RSRC1: variants seen among roughly 807,000 people sequenced by gnomAD.
RSRC1 encodes serine/Arginine-related protein 53.
A neutral mutation model predicts 49.1 loss-of-function variants in RSRC1; 39 were observed. The observed-to-expected ratio is 0.79, with a 90% CI of 0.61 to 1.04. The LOEUF (loss-of-function observed/expected upper bound fraction) is 1.04. RSRC1 is among the 50% of genes least tolerant of loss of function. RSRC1 has a pLI of 0.00. For synonymous variants in RSRC1, 143 were observed against 130.8 expected, an observed-to-expected ratio of 1.09 and a Z score of -0.63; for missense variants, 388 against 402.4, an observed-to-expected ratio of 0.96 and a Z score of 0.31.
At chr3:158,112,788 T>A (rs1022681341) in intron 1 of RSRC1, among the ~76,000 whole-genome samples, 1 of 152,092 alleles carries the variant, frequency 6.6e-6, no homozygotes, top group African/African-American at 2.4e-5. Flanking sequence ...TTCCTGATGC[T>A]CTCCCTTCCC....
chr3:158,344,260 AAAAAAT>A (rs961137900), intron 5 of RSRC1, among the ~76,000 whole-genome samples: 10 of 152,214 alleles, frequency 6.6e-5, no homozygotes, highest in African/African-American at 2.2e-4. Flanking sequence ...CTGCATCTCA[AAAAAAT>A]AAAAATAAAA....
At chr3:158,303,172 T>C (rs1727657636) in intron 5 of RSRC1, 1 of 152,236 alleles carries the variant, frequency 6.6e-6, no homozygotes, top group Non-Finnish European at 1.5e-5. Context: ...TATTATTTTA[T>C]AAGCAAACTA....
chr3:158,127,757 T>G (rs1240297060), intron 3 of RSRC1, among the ~76,000 whole-genome samples: 1 of 2,324 alleles, frequency 4.3e-4, no homozygotes, highest in African/African-American at 1.4e-3. Context: ...TGCTTTGTGG[T>G]TTTTTTTTTT....
chr3:158,511,008 A>G (rs9857535), intron 7 of RSRC1, among the ~76,000 whole-genome samples: 78,576 of 151,970 alleles, frequency 0.52, 20,779 homozygotes, highest in African/African-American at 0.62. Context: ...TTTTTATCCT[A>G]GAGCATGGTA....
intron 7 of RSRC1, among the ~76,000 whole-genome samples, chr3:158,517,350 T>C (rs1293604489): frequency 6.6e-6 from 1 of 152,164 alleles, no homozygotes; most frequent in South Asian, 2.1e-4. Context: ...TTCTTTTTCT[T>C]TTCTCACTGC....
At chr3:158,444,983 T>C (rs1321850012) in intron 6 of RSRC1, among the ~76,000 whole-genome samples, 2 of 151,984 alleles carry the variant, frequency 1.3e-5, no homozygotes, top group Non-Finnish European at 2.9e-5. Context: ...AGAATGGCAA[T>C]CATTAAAAAG....
intron 3 of RSRC1, among the ~76,000 whole-genome samples, chr3:158,148,786 CTTT>C (rs555372660): frequency 6.9e-6 from 1 of 145,554 alleles, no homozygotes. Flanking sequence ...CGAATATATA[CTTT>C]TTTTTTTTTT....
intron 4 of RSRC1, among the ~76,000 whole-genome samples, chr3:158,252,632 T>C (rs942774139): frequency 6.6e-6 from 1 of 152,202 alleles, no homozygotes; most frequent in Non-Finnish European, 1.5e-5. Context: ...TCCTTCTTTC[T>C]CTAGTTTTTG....
At chr3:158,373,255 A>G (rs1732177338) in intron 6 of RSRC1, among the ~76,000 whole-genome samples, 1 of 151,942 alleles carries the variant, frequency 6.6e-6, no homozygotes, top group Admixed American at 6.6e-5. Flanking sequence ...TGTAGCTAGA[A>G]TCTCCAGCTT....
intron 3 of RSRC1, among the ~76,000 whole-genome samples, chr3:158,177,799 T>C (rs560409460): frequency 4.6e-5 from 7 of 152,098 alleles, no homozygotes; most frequent in Non-Finnish European, 5.9e-5. Context: ...AAAACAAATA[T>C]GTTGGCAAAC....
At chr3:158,456,232 T>C (rs1465878195) in intron 6 of RSRC1, among the ~76,000 whole-genome samples, 1 of 151,766 alleles carries the variant, frequency 6.6e-6, no homozygotes, top group Non-Finnish European at 1.5e-5. Flanking sequence ...ACCAGATTCC[T>C]TTAACCTTGT....
At chr3:158,154,218 A>G (rs1216513691) in intron 3 of RSRC1, among the ~76,000 whole-genome samples, 1 of 152,166 alleles carries the variant, frequency 6.6e-6, no homozygotes, top group South Asian at 2.1e-4. Flanking sequence ...ATTTAAAAAT[A>G]CCTTATTGCT....
At chr3:158,487,610 A>G (rs1184585276) in intron 7 of RSRC1, among the ~76,000 whole-genome samples, 2 of 152,030 alleles carry the variant, frequency 1.3e-5, no homozygotes, top group Non-Finnish European at 2.9e-5. Flanking sequence ...CTGAGTTGTG[A>G]TCCGAAAACC....
chr3:158,197,202 A>C (rs1289547673), intron 3 of RSRC1, among the ~76,000 whole-genome samples: 1 of 152,150 alleles, frequency 6.6e-6, no homozygotes, highest in African/African-American at 2.4e-5. Context: ...CTATTCAGGG[A>C]TTCAACTTCT....
At chr3:158,465,241 C>T (rs1001063782) in intron 7 of RSRC1, among the ~76,000 whole-genome samples, 1 of 152,142 alleles carries the variant, frequency 6.6e-6, no homozygotes, top group African/African-American at 2.4e-5. Flanking sequence ...GTGTGTCCTC[C>T]ACACCTAGCC....
At chr3:158,173,554 C>T (rs1392865478) in intron 3 of RSRC1, among the ~76,000 whole-genome samples, 1 of 151,610 alleles carries the variant, frequency 6.6e-6, no homozygotes, top group African/African-American at 2.4e-5. Flanking sequence ...AAGAATTGAC[C>T]AAGAAAGTCA....
At chr3:158,358,463 A>G (rs1315625923) in intron 6 of RSRC1, among the ~76,000 whole-genome samples, 1 of 152,138 alleles carries the variant, frequency 6.6e-6, no homozygotes, top group African/African-American at 2.4e-5. Flanking sequence ...ACACTAATGA[A>G]TAGTGGAAAG....
intron 3 of RSRC1, among the ~76,000 whole-genome samples, chr3:158,148,635 T>G (rs1717318996): frequency 6.6e-6 from 1 of 152,012 alleles, no homozygotes; most frequent in Non-Finnish European, 1.5e-5. Flanking sequence ...CTAGGAGCCC[T>G]TAGCAACAAG....
intron 6 of RSRC1, among the ~76,000 whole-genome samples, chr3:158,372,755 T>C (rs1487279680): frequency 6.6e-6 from 1 of 151,974 alleles, no homozygotes; most frequent in East Asian, 1.9e-4. Flanking sequence ...GAATTTTGAT[T>C]AGAGTTGTAT....
Sources: gnomAD v4.1 joint callset for allele counts (sites outside exome capture counted in the v4.1 genomes callset) on GRCh38, gnomAD v4.1.1 for gene constraint, MANE v1.5 for transcripts, NCBI Gene and HGNC (gene_info 2026-07-23, HGNC 2026-07-21) for gene names.